The following CEP170 variants were observed in gnomAD, a reference collection of about 807,000 sequenced individuals.
The protein encoded by CEP170 is centrosomal protein of 170 kDa.
Under a neutral mutation model 151.9 loss-of-function variants are expected in CEP170, and 21 were observed. The ratio of observed to expected loss-of-function variants is 0.14; its 90% CI spans 0.10 to 0.20. The LOEUF is 0.20. Among genes scored for constraint, CEP170 ranks in the 10% least tolerant of loss-of-function variants. The pLI is 1.00. For missense variants in CEP170, 964 were observed against 1,892.9 expected (o/e 0.51, Z 9.11); for synonymous variants, 356 against 648.8 (o/e 0.55, Z 6.86).
At chr1:243,146,418 G>T (rs1183509292) in intron 14 of CEP170, among the ~76,000 whole-genome samples, 1 of 152,100 alleles carries the variant, frequency 6.6e-6, no homozygotes, top group Non-Finnish European at 1.5e-5. Context: ...ATAATGAAGA[G>T]CCATATTATT....
chr1:243,184,020 G>C (rs1432990152), intron 10 of CEP170, among the ~76,000 whole-genome samples: 1 of 152,080 alleles, frequency 6.6e-6, no homozygotes, highest in Admixed American at 6.6e-5. Flanking sequence ...CACTTCCATT[G>C]TGGTTTTATA....
intron 10 of CEP170, among the ~76,000 whole-genome samples, chr1:243,176,075 C>T (rs1431119320): frequency 6.6e-6 from 1 of 152,198 alleles, no homozygotes; most frequent in East Asian, 1.9e-4. Context: ...GGATTACAGG[C>T]GTGAGCCACA....
At chr1:243,141,133 A>AT (rs1260624465) in intron 15 of CEP170, among the ~76,000 whole-genome samples, 3 of 152,242 alleles carry the variant, frequency 2.0e-5, no homozygotes, top group African/African-American at 7.2e-5. Context: ...AGAAAATATT[A>AT]TTAGCACAGT....
rs1031637997 is a variant in CEP170, at chr1:243,185,580, C to G, written c.1566+199G>C. ...TGTACAGAGCTTTATGTATGAAACT[C>G]AGGTAAATTCAGAATATCAGCAAAT... On this transcript the variant is annotated intron_variant, in intron 10 of 19. Coordinates refer to ENST00000366542, the MANE Select transcript of CEP170 (RefSeq NM_014812.3). The surrounding 1 kb of genome is among the most constrained non-coding windows in gnomAD (Gnocchi z 4.9). Among the ~76,000 whole-genome samples the G allele has an allele frequency of 6.6e-6, 1 of 152,150 alleles. No homozygotes were observed. The highest frequency in any genetic ancestry group is 2.4e-5 in the African/African-American group (1 of 41,430).
intron 4 of CEP170, among the ~76,000 whole-genome samples, chr1:243,205,404 C>T (rs528257650): frequency 3.3e-5 from 5 of 152,240 alleles, no homozygotes; most frequent in Admixed American, 1.3e-4. Flanking sequence ...TTTCAGGCCA[C>T]GTGATCTCTG....
chr1:243,230,008 G>T (rs1024880588), intron 1 of CEP170, among the ~76,000 whole-genome samples: 1 of 152,014 alleles, frequency 6.6e-6, no homozygotes, highest in Non-Finnish European at 1.5e-5. Context: ...GCAATCCCTG[G>T]AGAGTGGAAG....
At chr1:243,244,099 G>A (rs946858952) in intron 1 of CEP170, among the ~76,000 whole-genome samples, 1 of 152,022 alleles carries the variant, frequency 6.6e-6, no homozygotes, top group Non-Finnish European at 1.5e-5. Context: ...GAACACTTTA[G>A]TTAAACACAC....
At chr1:243,242,182 T>C (rs1165627116) in intron 1 of CEP170, among the ~76,000 whole-genome samples, 1 of 152,102 alleles carries the variant, frequency 6.6e-6, no homozygotes, top group East Asian at 1.9e-4. Context: ...CGACCCAATA[T>C]CCACTAGGAA....
At chr1:243,169,588 A>T in intron 12 of CEP170, 40 bp downstream of exon 12, 1 of 1,537,438 alleles carries the variant, frequency 6.5e-7, no homozygotes, top group Middle Eastern at 1.7e-4. Context: ...GAGAAAGAGA[A>T]GAAAAAAGGG....
chr1:243,140,747 T>A (rs1220314328), intron 15 of CEP170, among the ~76,000 whole-genome samples: 1 of 152,184 alleles, frequency 6.6e-6, no homozygotes, highest in East Asian at 1.9e-4. Context: ...GAAGAGGGAC[T>A]CAACCTAGTA....
At chr1:243,211,833 G>C in intron 4 of CEP170, 53 bp downstream of exon 4, 1 of 1,555,678 alleles carries the variant, frequency 6.4e-7, no homozygotes, top group Non-Finnish European at 8.7e-7. Flanking sequence ...ACTTAAACCA[G>C]AGTAAACATA....
At chr1:243,191,881 C>T (rs928540117) in intron 7 of CEP170, among the ~76,000 whole-genome samples, 1 of 152,008 alleles carries the variant, frequency 6.6e-6, no homozygotes, top group African/African-American at 2.4e-5. Context: ...ACAGAAAAAC[C>T]ATGAACTCCC....
Position 243,225,171 on chromosome 1 carries a change from A to G in CEP170, c.105+5T>C, listed in dbSNP as rs775853315. ...AACACATATAGAGAAGCTTGACACA[A>G]TTACCTGCAACATGAGCTCACAGTC... is the stretch of plus-strand genomic sequence containing the variant. On this transcript the variant is annotated splice_donor_5th_base_variant and intron_variant, in intron 2 of 19. Coordinates refer to ENST00000366542, the MANE Select transcript of CEP170 (RefSeq NM_014812.3). The G allele has an allele frequency of 2.5e-6, 4 of 1,569,072 alleles. No homozygotes were observed. Among genetic ancestry groups the G allele is most frequent in the Admixed American group, 3.8e-5 (2 of 52,372 alleles).
rs559716282 is a variant in CEP170, at chr1:243,145,711, A to T, written c.3912-3248T>A. Among the ~76,000 whole-genome samples, 977 of 152,324 alleles carry T rather than the reference A, an allele frequency of 6.4e-3. 8 individuals are homozygous for T. Among genetic ancestry groups the T allele is most frequent in the Admixed American group, 0.012 (186 of 15,302 alleles). ...GGAAAAAAGCAACTGGTGGGCTATT[A>T]ATGAAGTATACTAGCTTTAGAATCC... On this transcript the variant is annotated intron_variant, in intron 14 of 19. Transcript: ENST00000366542.
intron 10 of CEP170, among the ~76,000 whole-genome samples, chr1:243,182,869 T>C: frequency 6.6e-6 from 1 of 152,188 alleles, no homozygotes; most frequent in East Asian, 1.9e-4. Context: ...TTTGTTTGTG[T>C]CTCTTTCCAA....
At chr1:243,220,441 A>G (rs1020074910) in intron 3 of CEP170, among the ~76,000 whole-genome samples, 9 of 151,442 alleles carry the variant, frequency 5.9e-5, no homozygotes, top group South Asian at 2.1e-4. Flanking sequence ...ACCAACAGAG[A>G]AAAAAAAAGG....
chr1:243,253,112 CTACCATTAGG>C (rs1399434580), intron 1 of CEP170: 1 of 152,146 alleles, frequency 6.6e-6, no homozygotes, highest in Non-Finnish European at 1.5e-5. Flanking sequence ...CGTTAAGTAG[CTACCATTAGG>C]TAGTAGGGAA....
At chr1:243,215,834 A>G (rs6659484) in intron 3 of CEP170, among the ~76,000 whole-genome samples, 122,787 of 151,710 alleles carry the variant, frequency 0.81, 50,273 homozygotes, top group East Asian at 0.94. Context: ...CTGGTTTTGC[A>G]GCTTGCGGGG....
chr1:243,155,718 T>C (rs1386888170), intron 14 of CEP170, among the ~76,000 whole-genome samples: 4 of 152,130 alleles, frequency 2.6e-5, no homozygotes, highest in Admixed American at 6.6e-5. Flanking sequence ...TTCAAAATAG[T>C]CATATTTTGT....
Sources: allele counts gnomAD v4.1 joint callset (sites outside exome capture counted in the v4.1 genomes callset), GRCh38; gene constraint gnomAD v4.1.1; non-coding constraint Gnocchi (gnomAD v3.1); transcripts MANE v1.5; gene names NCBI Gene and HGNC (gene_info 2026-07-23, HGNC 2026-07-21).